CRISPLD1: variants seen among roughly 807,000 people sequenced by gnomAD.
The protein encoded by CRISPLD1 is cysteine rich secretory protein LCCL domain containing 1, also known as cysteine-rich secretory protein LCCL domain-containing 1.
CRISPLD1 carries 60 observed loss-of-function variants against 77.5 expected under a neutral mutation model. That is an observed-to-expected ratio of 0.77 (90% CI 0.63 to 0.96). The LOEUF (loss-of-function observed/expected upper bound fraction) is 0.96, where lower values mean the gene tolerates loss of function less well. Among genes scored for constraint, CRISPLD1 ranks in the 40% least tolerant of loss-of-function variants. The pLI is 0.00. For synonymous variants in CRISPLD1, 195 were observed against 200.1 expected, an observed-to-expected ratio of 0.97 and a Z score of 0.22; for missense variants, 623 against 615.8, an observed-to-expected ratio of 1.01 and a Z score of -0.12.
chr8:75,026,510 C>T (rs545815463), intron 13 of CRISPLD1: 1 of 152,212 alleles, frequency 6.6e-6, no homozygotes, highest in South Asian at 2.1e-4. Context: ...AAAATCGGAA[C>T]GAAAAGGGGC....
intron 2 of CRISPLD1, 23 bp downstream of exon 2, chr8:74,986,268 A>G: frequency 2.5e-6 from 4 of 1,605,900 alleles, no homozygotes; most frequent in East Asian, 4.5e-5. Flanking sequence ...TTCAAGTGGT[A>G]TGTACAAAAG....
chr8:74,999,730 T>G (rs1443901455), intron 2 of CRISPLD1, among the ~76,000 whole-genome samples: 1 of 151,974 alleles, frequency 6.6e-6, no homozygotes, highest in Non-Finnish European at 1.5e-5. Flanking sequence ...TATAAGGTAG[T>G]AACTGTAACT....
chr8:74,988,006 A>G (rs1399435096), intron 2 of CRISPLD1, among the ~76,000 whole-genome samples: 1 of 152,152 alleles, frequency 6.6e-6, no homozygotes, highest in African/African-American at 2.4e-5. Context: ...TCTATCCTTG[A>G]AATGTAGATT....
intron 2 of CRISPLD1, among the ~76,000 whole-genome samples, chr8:74,995,891 C>G (rs1453952542): frequency 1.3e-5 from 2 of 151,998 alleles, no homozygotes; most frequent in African/African-American, 2.4e-5. Flanking sequence ...TGCTATTGTT[C>G]AGGCTGTGCT....
chr8:75,019,736 A>G, intron 10 of CRISPLD1, 134 bp from the exon 11 acceptor site: 1 of 662,252 alleles, frequency 1.5e-6, no homozygotes, highest in Admixed American at 2.6e-5. Flanking sequence ...ATGTATTCTT[A>G]TATTGCTACT....
intron 2 of CRISPLD1, among the ~76,000 whole-genome samples, chr8:75,004,881 A>G (rs1189103887): frequency 2.0e-5 from 3 of 152,156 alleles, no homozygotes; most frequent in Admixed American, 6.5e-5. Flanking sequence ...TAAATGTTTT[A>G]CCATCATATT....
chr8:75,004,819 G>A (rs961986218), intron 2 of CRISPLD1, among the ~76,000 whole-genome samples: 1 of 151,992 alleles, frequency 6.6e-6, no homozygotes, highest in Non-Finnish European at 1.5e-5. Context: ...GAAAAATTCC[G>A]GTGTTCCTGA....
At chr8:75,023,804 G>A (rs1207106816) in intron 12 of CRISPLD1, among the ~76,000 whole-genome samples, 2 of 152,126 alleles carry the variant, frequency 1.3e-5, no homozygotes, top group East Asian at 1.9e-4. Flanking sequence ...GTGTGTGTGT[G>A]TGTGTGTGAA....
rs767952215 is a variant in CRISPLD1, at chr8:75,017,049, A to G, written c.932A>G (p.Tyr311Cys). Residue 311 changes from tyrosine to cysteine, a missense_variant and splice_region_variant, in exon 9 of 15, where the codon TAC becomes TGC. Coordinates refer to ENST00000262207, the MANE Select transcript of CRISPLD1 (RefSeq NM_031461.6). ...TGTGCCCAATTACTTTTATTTAGGT[A>G]CGAATGTCCTGCTGGCTGTTTGGAT... ...DQCKGTTCNR[Y>C]ECPAGCLDSK... The G allele has an allele frequency of 1.9e-6, 3 of 1,611,478 alleles. No individual in the cohort carries two copies. The highest frequency in any genetic ancestry group is 2.2e-5 in the South Asian group (2 of 90,606).
intron 2 of CRISPLD1, among the ~76,000 whole-genome samples, chr8:75,003,823 A>G (rs1812785518): frequency 6.6e-6 from 1 of 152,168 alleles, no homozygotes; most frequent in Admixed American, 6.5e-5. Context: ...TAGAAATTCT[A>G]TAGAAAATGT....
chr8:75,012,087 G>T (rs1012754488), intron 2 of CRISPLD1, among the ~76,000 whole-genome samples: 1 of 152,054 alleles, frequency 6.6e-6, no homozygotes, highest in Non-Finnish European at 1.5e-5. Context: ...GCAAGGACTT[G>T]TATGCTTAAT....
chr8:75,019,583 C>T (rs970324440), intron 10 of CRISPLD1, among the ~76,000 whole-genome samples: 16 of 151,636 alleles, frequency 1.1e-4, no homozygotes, highest in African/African-American at 3.1e-4. Flanking sequence ...TTGATAGGAA[C>T]CAAATATATT....
chr8:74,992,751 C>A (rs1050856837), intron 2 of CRISPLD1, among the ~76,000 whole-genome samples: 3 of 152,164 alleles, frequency 2.0e-5, no homozygotes, highest in Non-Finnish European at 4.4e-5. Flanking sequence ...CGAAACACAT[C>A]TGAATACCTC....
intron 12 of CRISPLD1, among the ~76,000 whole-genome samples, chr8:75,021,902 G>A (rs1010939191): frequency 1.1e-4 from 16 of 152,082 alleles, no homozygotes; most frequent in Admixed American, 8.5e-4. Flanking sequence ...CCTTATGTCA[G>A]CCATGTGACT....
chr8:75,021,342 C>T (rs1183996669), intron 12 of CRISPLD1, among the ~76,000 whole-genome samples: 1 of 152,120 alleles, frequency 6.6e-6, no homozygotes, highest in Non-Finnish European at 1.5e-5. Context: ...AATAAATGTC[C>T]TCACATACAA....
At chr8:75,007,043 T>G (rs7817809) in intron 2 of CRISPLD1, among the ~76,000 whole-genome samples, 15,897 of 152,200 alleles carry the variant, frequency 0.1, 894 homozygotes, top group South Asian at 0.12. Context: ...TTCATTAACA[T>G]TCTTGAAACC....
intron 2 of CRISPLD1, among the ~76,000 whole-genome samples, chr8:74,999,736 T>C (rs1812705608): frequency 6.6e-6 from 1 of 151,848 alleles, no homozygotes; most frequent in Admixed American, 6.6e-5. Flanking sequence ...GTAGTAACTG[T>C]AACTATTAAG....
rs766758168 is a variant in CRISPLD1 at position 75,017,269 on chromosome 8, T to C, written c.997-51T>C. The C allele has an allele frequency of 9.4e-6, 15 of 1,595,852 alleles. No individual in the cohort carries two copies. In the South Asian group the frequency reaches 1.0e-4, roughly 11 times the overall value. On this transcript the variant is annotated intron_variant, in intron 9 of 14. Coordinates refer to ENST00000262207, the MANE Select transcript of CRISPLD1 (RefSeq NM_031461.6). Reference sequence around the variant, plus strand: ...ATAAGTGGTAAATAGTTGGGACTTATGCAGAACTCTAATATTTTTAACATC... The same window carrying C: ...ATAAGTGGTAAATAGTTGGGACTTACGCAGAACTCTAATATTTTTAACATC...
chr8:74,998,635 C>G (rs1563393074), intron 2 of CRISPLD1, among the ~76,000 whole-genome samples: 2 of 135,274 alleles, frequency 1.5e-5, no homozygotes, highest in Admixed American at 1.6e-4. Context: ...TTTTAGTGAG[C>G]CAAGATCGTG....
Sources: allele counts gnomAD v4.1 joint callset (sites outside exome capture counted in the v4.1 genomes callset), GRCh38; gene constraint gnomAD v4.1.1; transcripts MANE v1.5; gene names NCBI Gene and HGNC (gene_info 2026-07-23, HGNC 2026-07-21).